The following SLFN12L variants were observed in gnomAD, a reference collection of about 807,000 sequenced individuals.
The protein encoded by SLFN12L is schlafen family member 12-like.
A neutral mutation model predicts 34.8 loss-of-function variants in SLFN12L; 34 were observed. The observed-to-expected ratio is 0.98, with a 90% confidence interval of 0.74 to 1.30. The LOEUF is 1.30. SLFN12L is among the 50% of genes most tolerant of loss of function. The pLI is 0.00. For synonymous variants in SLFN12L, 259 were observed against 247.5 expected (o/e 1.05, Z -0.44); for missense variants, 703 against 696.2 (o/e 1.01, Z -0.11).
rs1915169358 is a variant in SLFN12L, at chr17:35,498,311, A to T, written c.87-18116T>A. 3.6e-6 allele frequency: 3 copies of T among 842,162 alleles called. No homozygotes were observed. In the South Asian group the frequency reaches 4.0e-5, roughly 11 times the overall value. The allele number at this position is 842,162 out of a possible 1,614,324, so 52.2% of individuals were successfully genotyped here. On this transcript the variant is annotated intron_variant, in intron 2 of 4. Transcript: ENST00000628453. ...ACTCAGACGGTCCCCTGAAGCAAGG[A>T]CTGCGGCTGCCACAGACTGCTGAAG... is the stretch of plus-strand genomic sequence containing the variant.
chr17:35,491,856 TCTGGATGAAGAAC>T (rs1567661258), intron 2 of SLFN12L, among the ~76,000 whole-genome samples: 1 of 152,340 alleles, frequency 6.6e-6, no homozygotes, highest in South Asian at 2.1e-4. Flanking sequence ...TCCACAGGCT[TCTGGATGAAGAAC>T]CTGTTTTCAA....
chr17:35,487,777 C>A lies in SLFN12L; in HGVS notation c.87-7582G>T, dbSNP rs1056793529. On this transcript the variant is annotated intron_variant, in intron 2 of 4. Coordinates refer to ENST00000628453, the MANE Select transcript of SLFN12L (RefSeq NM_001363830.2). ...TTCACCAAGTAGGGGGACCTGAGTT[C>A]TTTTCCACTTTCCTGCTCTCCGCGT... is the stretch of plus-strand genomic sequence containing the variant. 5.9e-6 allele frequency: 9 copies of A among 1,535,506 alleles called. No individual in the cohort carries two copies. In the African/African-American group the frequency reaches 1.2e-4, roughly 21 times the overall value.
chr17:35,478,109 G>A lies in SLFN12L; in HGVS notation c.1242C>T (p.Asn414=). The A allele has an allele frequency of 6.5e-7, 1 of 1,544,932 alleles. No homozygotes were observed. The highest frequency in any genetic ancestry group is 8.8e-7 in the Non-Finnish European group (1 of 1,141,616). The change falls in exon 4 of 5, where the codon AAC becomes AAT. Residue 414 remains asparagine (N), a synonymous_variant. Coordinates refer to ENST00000628453, the MANE Select transcript of SLFN12L (RefSeq NM_001363830.2). ...GATATCTCAGTGGCTGAATTTTGAA[G>A]TTAATATATTCACGAAGAGGATAAC... is the stretch of plus-strand genomic sequence containing the variant. The part of the protein sequence containing the change: ...SQSYPLREYI[N]FKIQPLRYHL...
intron 2 of SLFN12L, among the ~76,000 whole-genome samples, chr17:35,508,667 G>A (rs1254687013): frequency 2.6e-5 from 4 of 152,048 alleles, no homozygotes; most frequent in Admixed American, 6.6e-5. Context: ...GAATTTTATA[G>A]TACTCTCCAA....
intron 2 of SLFN12L, chr17:35,514,851 C>G: frequency 2.5e-6 from 1 of 398,666 alleles, no homozygotes; most frequent in Non-Finnish European, 4.9e-6. Flanking sequence ...ATCTGGATCA[C>G]TGGTAGTGGA....
intron 2 of SLFN12L, chr17:35,498,936 G>A: frequency 1.4e-6 from 1 of 725,308 alleles, no homozygotes; most frequent in Non-Finnish European, 2.5e-6. Context: ...TGCCCTGGAG[G>A]TCTTACAGGA....
rs1914775378 is a variant in SLFN12L at position 35,490,133 on chromosome 17, T to C, written c.87-9938A>G. On this transcript the variant is annotated intron_variant, in intron 2 of 4. Transcript: ENST00000628453. ...GGAGCAGACCGCCGGCAACCTCCTC[T>C]ACACCACGCCGCAGGGACCCTCCAG... 3 of 1,606,376 alleles carry C rather than the reference T, an allele frequency of 1.9e-6. No homozygotes were observed. In the South Asian group the frequency reaches 3.3e-5, roughly 18 times the overall value.
intron 2 of SLFN12L, chr17:35,499,262 G>A (rs1915207370): frequency 4.9e-6 from 4 of 813,914 alleles, no homozygotes; most frequent in Non-Finnish European, 7.2e-6. Context: ...ATCTTAGAAT[G>A]GACTTCCTAA....
chr17:35,526,513 A>T (rs530133585), intron 1 of SLFN12L, among the ~76,000 whole-genome samples: 39 of 152,320 alleles, frequency 2.6e-4, no homozygotes, highest in Middle Eastern at 6.8e-3. Flanking sequence ...AAATCCTCTC[A>T]GTCCACAGTG....
intron 2 of SLFN12L, among the ~76,000 whole-genome samples, chr17:35,496,170 C>A (rs1915063288): frequency 6.6e-6 from 1 of 151,984 alleles, no homozygotes; most frequent in Non-Finnish European, 1.5e-5. Context: ...CTGTGGTCAT[C>A]CCTGGGGAAT....
At position 35,469,175 on chromosome 17, in the gene SLFN12L, C is replaced by T. The variant is rs1169590180; in HGVS notation, c.*5748G>A. 6.7e-6 allele frequency among the ~76,000 whole-genome samples: 1 copy of T among 150,220 alleles called. No homozygotes were observed. Among genetic ancestry groups the T allele is most frequent in the African/African-American group, 2.5e-5 (1 of 40,618 alleles). On this transcript the variant is annotated 3_prime_UTR_variant, in exon 5 of 5. Coordinates refer to ENST00000628453, the MANE Select transcript of SLFN12L (RefSeq NM_001363830.2). ...TCCCCCGTGACTTCCTGCCCTGTGT[C>T]TCTGACCATGACCACTCCTCCTTGG...
At chr17:35,534,249 C>T (rs776496587) in intron 1 of SLFN12L, among the ~76,000 whole-genome samples, 10 of 152,124 alleles carry the variant, frequency 6.6e-5, no homozygotes, top group Non-Finnish European at 1.3e-4. Flanking sequence ...GCAGTCCCAG[C>T]TACTCGGGAG....
intron 2 of SLFN12L, chr17:35,487,734 G>A: frequency 6.5e-7 from 1 of 1,536,040 alleles, no homozygotes; most frequent in East Asian, 2.4e-5. Context: ...ACCTGGCGAG[G>A]TCCATGTCTG....
chr17:35,509,880 G>C (rs2142157494), intron 2 of SLFN12L, among the ~76,000 whole-genome samples: 1 of 152,108 alleles, frequency 6.6e-6, no homozygotes. Flanking sequence ...TGTATTTTTA[G>C]TAGAAACGGG....
chr17:35,479,767 T>C lies in SLFN12L; in HGVS notation c.515A>G (p.Asp172Gly). 6.2e-7 allele frequency: 1 copy of C among 1,613,994 alleles called. No homozygotes were observed. The highest frequency in any genetic ancestry group is 8.5e-7 in the Non-Finnish European group (1 of 1,179,928). Residue 172 changes from aspartate (D) to glycine (G), a missense_variant, in exon 3 of 5, where the codon GAT (aspartate) becomes GGT (glycine). Asp to Gly is a moderately conservative substitution (Grantham distance 94). Coordinates refer to ENST00000628453, the MANE Select transcript of SLFN12L (RefSeq NM_001363830.2). ...ATLSSSLYKR[D>G]VTSAKVMNAS... ...ATTCATGACTTTTGCAGACGTTACA[T>C]CTCTCTTGTACAAACTGGAGCTCAA...
Position 35,465,691 on chromosome 17 carries a change from C to A in SLFN12L, c.*9232G>T, listed in dbSNP as rs1345543940. 3.3e-5 allele frequency among the ~76,000 whole-genome samples: 5 copies of A among 150,560 alleles called. No homozygotes were observed. The Admixed American group carries it at 3.3e-4, about 10-fold the overall frequency. Reference sequence around the variant, plus strand: ...CTTAAACCTGGAAAATAATAAGCAGCAGGCACCTCACGGTGGAGGACTACA... The same window carrying A: ...CTTAAACCTGGAAAATAATAAGCAGAAGGCACCTCACGGTGGAGGACTACA... On this transcript the variant is annotated 3_prime_UTR_variant, in exon 5 of 5. Coordinates refer to ENST00000628453, the MANE Select transcript of SLFN12L (RefSeq NM_001363830.2).
chr17:35,526,740 C>T (rs2072339123), intron 1 of SLFN12L, among the ~76,000 whole-genome samples: 1 of 151,944 alleles, frequency 6.6e-6, no homozygotes, highest in African/African-American at 2.4e-5. Context: ...TCACTAAATG[C>T]CCACAAGAAA....
chr17:35,524,583 GGGTCTGCA>G (rs1385525801), intron 1 of SLFN12L, among the ~76,000 whole-genome samples: 1 of 152,342 alleles, frequency 6.6e-6, no homozygotes, highest in African/African-American at 2.4e-5. Context: ...CAGGCAAACG[GGGTCTGCA>G]GTGGACCTCC....
chr17:35,520,617 C>T (rs947507783), intron 2 of SLFN12L, among the ~76,000 whole-genome samples: 3 of 151,974 alleles, frequency 2.0e-5, no homozygotes, highest in Non-Finnish European at 2.9e-5. Context: ...TGGTGATGCA[C>T]GCCTGTAGTC....
Sources: gnomAD v4.1 joint callset for allele counts (sites outside exome capture counted in the v4.1 genomes callset) on GRCh38, gnomAD v4.1.1 for gene constraint, MANE v1.5 for transcripts, NCBI Gene and HGNC (gene_info 2026-07-23, HGNC 2026-07-21) for gene names.